Variants in ZNF804B observed in about 807,000 individuals in gnomAD.
The protein encoded by ZNF804B is zinc finger 804B.
ZNF804B carries 80 observed loss-of-function variants against 101.4 expected under a neutral mutation model. The observed-to-expected ratio is 0.79, with a 90% CI of 0.66 to 0.95. ZNF804B has a LOEUF of 0.95. Ranked by LOEUF, ZNF804B falls within the 40% of genes least tolerant of loss-of-function variation. ZNF804B has a pLI of 0.00. For synonymous variants in ZNF804B, 622 were observed against 558.8 expected (o/e 1.11, Z -1.59); for missense variants, 1,673 against 1,561.9 (o/e 1.07, Z -1.20).
intron 2 of ZNF804B, among the ~76,000 whole-genome samples, chr7:89,309,643 C>A (rs1413795140): frequency 6.6e-6 from 1 of 151,442 alleles, no homozygotes; most frequent in Non-Finnish European, 1.5e-5. Flanking sequence ...ACCTGTAGTC[C>A]CAGCTACTTG....
intron 1 of ZNF804B, among the ~76,000 whole-genome samples, chr7:88,863,540 T>A (rs1043959629): frequency 1.3e-5 from 2 of 152,202 alleles, no homozygotes; most frequent in Non-Finnish European, 2.9e-5. Context: ...TAACGAAGTT[T>A]ATAGTTTAAT....
At chr7:88,764,113 A>G (rs1049740289) in intron 1 of ZNF804B, among the ~76,000 whole-genome samples, 1 of 152,138 alleles carries the variant, frequency 6.6e-6, no homozygotes, top group African/African-American at 2.4e-5. Flanking sequence ...ATTTGACTTG[A>G]CTTTTAGTTA....
intron 1 of ZNF804B, among the ~76,000 whole-genome samples, chr7:89,127,974 A>T (rs967254546): frequency 6.6e-6 from 1 of 151,832 alleles, no homozygotes. Context: ...GAAAAATGAA[A>T]TAATACTGTG....
intron 1 of ZNF804B, among the ~76,000 whole-genome samples, chr7:88,950,944 A>G (rs1793208867): frequency 6.6e-6 from 1 of 151,300 alleles, no homozygotes; most frequent in Non-Finnish European, 1.5e-5. Flanking sequence ...TTTTTGGCTC[A>G]GCTTTTACTC....
chr7:88,797,823 T>A (rs1790513800), intron 1 of ZNF804B, among the ~76,000 whole-genome samples: 1 of 152,090 alleles, frequency 6.6e-6, no homozygotes, highest in Admixed American at 6.6e-5. Context: ...CATTTACATA[T>A]TTTTATTATA....
chr7:89,096,260 A>G (rs1044135772), intron 1 of ZNF804B, among the ~76,000 whole-genome samples: 1 of 152,086 alleles, frequency 6.6e-6, no homozygotes, highest in Admixed American at 6.6e-5. Context: ...GTGATGATGC[A>G]TGGCAGCTCT....
intron 1 of ZNF804B, among the ~76,000 whole-genome samples, chr7:88,980,238 C>T (rs1793677384): frequency 6.6e-6 from 1 of 151,958 alleles, no homozygotes; most frequent in African/African-American, 2.4e-5. Flanking sequence ...TGAGCTTCTT[C>T]AGAAAAGCTA....
intron 2 of ZNF804B, among the ~76,000 whole-genome samples, chr7:89,259,827 A>G (rs1260960557): frequency 6.6e-6 from 1 of 152,090 alleles, no homozygotes; most frequent in Non-Finnish European, 1.5e-5. Context: ...TAAAAATACA[A>G]AAATTAGCCA....
At chr7:88,999,010 A>G (rs187644288) in intron 1 of ZNF804B, among the ~76,000 whole-genome samples, 19 of 152,196 alleles carry the variant, frequency 1.2e-4, no homozygotes, top group African/African-American at 4.6e-4. Flanking sequence ...ATCATTTCCT[A>G]TTAGCATTTT....
intron 1 of ZNF804B, among the ~76,000 whole-genome samples, chr7:89,160,981 C>T (rs1003474876): frequency 6.6e-6 from 1 of 152,108 alleles, no homozygotes. Context: ...TTTCCAGATC[C>T]TTCCAGTCTC....
intron 1 of ZNF804B, among the ~76,000 whole-genome samples, chr7:88,949,314 GC>G (rs1793183228): frequency 6.7e-6 from 1 of 149,916 alleles, no homozygotes; most frequent in Non-Finnish European, 1.5e-5. Context: ...AGCATCCCTG[GC>G]CTCTACTCAC....
chr7:89,233,410 G>A (rs559203198), intron 2 of ZNF804B, among the ~76,000 whole-genome samples: 2 of 117,206 alleles, frequency 1.7e-5, no homozygotes, highest in African/African-American at 6.5e-5. Context: ...AATATATAAT[G>A]TATTTTTTAT....
chr7:89,220,049 A>ATATGTGTG (rs1788972211), intron 2 of ZNF804B, among the ~76,000 whole-genome samples: 1 of 101,900 alleles, frequency 9.8e-6, no homozygotes, highest in Non-Finnish European at 2.1e-5. Flanking sequence ...ATATGTGCAT[A>ATATGTGTG]TATACATATA....
At position 89,192,550 on chromosome 7, in the gene ZNF804B, G is replaced by A. The variant is rs114465566; in HGVS notation, c.109-25605G>A. Reference sequence around the variant, plus strand: ...TATGAAATGCAAAGTAACCTATAGCGACTTATTGTTTTTGAAACTACCAGA... The same window carrying A: ...TATGAAATGCAAAGTAACCTATAGCAACTTATTGTTTTTGAAACTACCAGA... On this transcript the variant is annotated intron_variant, in intron 1 of 3. Coordinates refer to ENST00000333190, the MANE Select transcript of ZNF804B (RefSeq NM_181646.5). 2.7e-3 allele frequency among the ~76,000 whole-genome samples: 405 copies of A among 151,804 alleles called. 4 individuals carry two copies. Among genetic ancestry groups the A allele is most frequent in the African/African-American group, 9.3e-3 (384 of 41,412 alleles).
intron 1 of ZNF804B, among the ~76,000 whole-genome samples, chr7:88,999,102 A>G (rs955813366): frequency 3.9e-5 from 6 of 152,074 alleles, no homozygotes; most frequent in African/African-American, 1.4e-4. Context: ...TATTAGAGTA[A>G]CATGATATGA....
chr7:88,823,723 G>A (rs1207845085), intron 1 of ZNF804B, among the ~76,000 whole-genome samples: 1 of 152,078 alleles, frequency 6.6e-6, no homozygotes, highest in Non-Finnish European at 1.5e-5. Flanking sequence ...GACAAGGACA[G>A]CTTCTACTAT....
intron 1 of ZNF804B, among the ~76,000 whole-genome samples, chr7:88,825,384 G>A (rs1791038226): frequency 6.6e-6 from 1 of 151,678 alleles, no homozygotes; most frequent in Admixed American, 6.6e-5. Context: ...AAGACCATAG[G>A]TCACTAGTCT....
intron 1 of ZNF804B, among the ~76,000 whole-genome samples, chr7:88,821,458 T>C (rs1782880405): frequency 6.6e-6 from 1 of 152,186 alleles, no homozygotes; most frequent in African/African-American, 2.4e-5. Context: ...AATACGGATA[T>C]ACTTTAAATT....
At chr7:89,074,783 A>C (rs953602700) in intron 1 of ZNF804B, among the ~76,000 whole-genome samples, 2 of 152,186 alleles carry the variant, frequency 1.3e-5, no homozygotes, top group Non-Finnish European at 2.9e-5. Flanking sequence ...AATATGGAAA[A>C]GTTTGGAATT....
Sources: gnomAD v4.1 joint callset for allele counts (sites outside exome capture counted in the v4.1 genomes callset) on GRCh38, gnomAD v4.1.1 for gene constraint, MANE v1.5 for transcripts, NCBI Gene and HGNC (gene_info 2026-07-23, HGNC 2026-07-21) for gene names.